The following NAV3 variants were observed in gnomAD, a reference collection of about 807,000 sequenced individuals.
NAV3 encodes the protein pore membrane and/or filament interacting like protein 1.
In NAV3, 87 loss-of-function variants were observed where a neutral mutation model predicts 244.7. That is an observed-to-expected ratio of 0.36 (90% CI 0.30 to 0.42). The LOEUF is 0.42. Ranked by LOEUF, NAV3 falls within the 20% of genes least tolerant of loss-of-function variation. NAV3 has a pLI of 1.00. For missense variants in NAV3, 2,663 were observed against 2,893.3 expected, an observed-to-expected ratio of 0.92 and a Z score of 1.83; for synonymous variants, 1,126 against 1,042.2, an observed-to-expected ratio of 1.08 and a Z score of -1.55.
chr12:77,907,697 C>A (rs932542690), intron 1 of NAV3, among the ~76,000 whole-genome samples: 4 of 152,000 alleles, frequency 2.6e-5, no homozygotes, highest in East Asian at 1.9e-4. Flanking sequence ...TCATAACAAC[C>A]CTATAGAAGA....
At chr12:77,745,217 T>C (rs1868474927) in intron 2 of NAV3, among the ~76,000 whole-genome samples, 1 of 152,084 alleles carries the variant, frequency 6.6e-6, no homozygotes, top group Non-Finnish European at 1.5e-5. Context: ...ACCAATACTT[T>C]GTTAATGGTA....
intron 2 of NAV3, among the ~76,000 whole-genome samples, chr12:77,818,754 G>A (rs566655932): frequency 3.3e-5 from 5 of 151,944 alleles, no homozygotes; most frequent in East Asian, 3.9e-4. Context: ...TTAATATTGC[G>A]TCGATTCTGC....
At chr12:77,657,468 G>C (rs1302128205) in intron 2 of NAV3, among the ~76,000 whole-genome samples, 2 of 152,090 alleles carry the variant, frequency 1.3e-5, no homozygotes, top group Non-Finnish European at 2.9e-5. Flanking sequence ...ATAATCAATA[G>C]CTTACCCACC....
intron 2 of NAV3, among the ~76,000 whole-genome samples, chr12:77,807,653 C>T (rs576323740): frequency 7.2e-5 from 11 of 152,204 alleles, no homozygotes; most frequent in African/African-American, 2.4e-4. Context: ...CGATTACGTG[C>T]CTTGGTGTTG....
chr12:77,734,452 A>G (rs1052968182), intron 2 of NAV3, among the ~76,000 whole-genome samples: 1 of 152,102 alleles, frequency 6.6e-6, no homozygotes, highest in Non-Finnish European at 1.5e-5. Context: ...CAAACTATAC[A>G]TGATTAATAC....
At chr12:78,059,188 TC>T in intron 12 of NAV3, 73 bp downstream of exon 12, 1 of 1,446,786 alleles carries the variant, frequency 6.9e-7, no homozygotes, top group South Asian at 1.3e-5. Flanking sequence ...AACAGAAAAC[TC>T]CTATTAAACA....
chr12:77,976,712 T>A (rs2136223264), intron 5 of NAV3, among the ~76,000 whole-genome samples: 1 of 131,804 alleles, frequency 7.6e-6, no homozygotes, highest in South Asian at 2.6e-4. Flanking sequence ...TCTTACTCTG[T>A]CACCAGGCTG....
chr12:77,575,815 A>G (rs1378646130), intron 2 of NAV3, among the ~76,000 whole-genome samples: 2 of 152,148 alleles, frequency 1.3e-5, no homozygotes, highest in Admixed American at 6.6e-5. Context: ...GTCATAGTCA[A>G]TATTTTACTA....
chr12:77,667,405 C>T (rs997557217), intron 2 of NAV3, among the ~76,000 whole-genome samples: 18 of 152,090 alleles, frequency 1.2e-4, no homozygotes, highest in East Asian at 3.9e-4. Flanking sequence ...TGCTGTTGGT[C>T]GGGCATGGCG....
intron 1 of NAV3, among the ~76,000 whole-genome samples, chr12:77,869,026 C>T (rs1188366792): frequency 1.3e-5 from 2 of 149,984 alleles, no homozygotes; most frequent in Non-Finnish European, 3.0e-5. Flanking sequence ...GAACCGAGAT[C>T]GAGGTAAAAA....
intron 2 of NAV3, among the ~76,000 whole-genome samples, chr12:77,813,393 A>G (rs2136007302): frequency 6.6e-6 from 1 of 152,256 alleles, no homozygotes; most frequent in African/African-American, 2.4e-5. Context: ...AAGTTTCAAG[A>G]GTCAAATTGC....
chr12:78,175,566 TC>T, intron 25 of NAV3, 139 bp downstream of exon 25: 1 of 1,079,496 alleles, frequency 9.3e-7, no homozygotes, highest in Non-Finnish European at 1.3e-6. Flanking sequence ...GCTGCACTCA[TC>T]ACCAAAATTG....
intron 3 of NAV3, 35 bp downstream of exon 3, chr12:77,941,168 G>T: frequency 8.3e-7 from 1 of 1,209,040 alleles, no homozygotes; most frequent in South Asian, 1.4e-5. Context: ...ATATAATGCT[G>T]ATCTTCACTT....
intron 12 of NAV3, among the ~76,000 whole-genome samples, chr12:78,076,206 A>C (rs1953040849): frequency 6.6e-6 from 1 of 152,174 alleles, no homozygotes; most frequent in African/African-American, 2.4e-5. Flanking sequence ...TCCTAAAACC[A>C]GCTATTCTGT....
In NAV3 at chr12:77,819,892, G is replaced by T. The variant is rs139244584; in HGVS notation, c.73-120427G>T. Among the ~76,000 whole-genome samples, 74 of 152,298 alleles carry T rather than the reference G, an allele frequency of 4.9e-4. No individual in the cohort carries two copies. In the Middle Eastern group the frequency reaches 0.017, roughly 35 times the overall value. ...CGTAAAACCAATAAGCAGGGTATAT[G>T]CAAGAAAGAGCTCGGCAACTACTTC... On this transcript the variant is annotated intron_variant, in intron 2 of 8. Coordinates refer to the NAV3 transcript ENST00000550042.
intron 18 of NAV3, among the ~76,000 whole-genome samples, chr12:78,129,909 T>TA (rs1311290127): frequency 6.6e-6 from 1 of 152,168 alleles, no homozygotes; most frequent in Admixed American, 6.6e-5. Flanking sequence ...TGACATTATA[T>TA]AAAAAATTAG....
chr12:78,073,942 G>C (rs1266153175), intron 12 of NAV3, among the ~76,000 whole-genome samples: 2 of 152,158 alleles, frequency 1.3e-5, no homozygotes, highest in African/African-American at 4.8e-5. Context: ...TTATAGCAGA[G>C]ATATGTTCAT....
chr12:77,973,374 AT>A lies in NAV3; in HGVS notation c.671+4673del, dbSNP rs1212795595. On this transcript the variant is annotated intron_variant, in intron 5 of 39. Transcript: ENST00000397909. ...ATAAATCTTTCTGAATTAAAAAAAA[AT>A]ATATTGGGAACTTGAAAGTTTATGA... is the stretch of plus-strand genomic sequence containing the variant. 2.6e-5 allele frequency among the ~76,000 whole-genome samples: 4 copies of A among 152,152 alleles called. No individual in the cohort carries two copies. In the East Asian group the frequency reaches 7.7e-4, roughly 29 times the overall value.
chr12:78,014,283 T>A (rs187629507), intron 8 of NAV3, among the ~76,000 whole-genome samples: 1 of 152,044 alleles, frequency 6.6e-6, no homozygotes, highest in South Asian at 2.1e-4. Context: ...AAACAATGCA[T>A]TGGACATAAA....
Sources: allele counts gnomAD v4.1 joint callset (sites outside exome capture counted in the v4.1 genomes callset), GRCh38; gene constraint gnomAD v4.1.1; transcripts MANE v1.5; gene names NCBI Gene and HGNC (gene_info 2026-07-23, HGNC 2026-07-21).